The following PDE10A variants were observed in gnomAD, a reference collection of about 807,000 sequenced individuals.
The protein encoded by PDE10A is phosphodiesterase 10A.
A neutral mutation model predicts 97.7 loss-of-function variants in PDE10A; 39 were observed. That is an observed-to-expected ratio of 0.40 (90% CI 0.31 to 0.52). The LOEUF (loss-of-function observed/expected upper bound fraction) is 0.52, where lower values mean the gene tolerates loss of function less well. PDE10A is among the 20% of genes least tolerant of loss of function. The probability of loss-of-function intolerance (pLI) is 0.56; values close to 1 mark genes in which losing one functional copy is unlikely to be tolerated. For synonymous variants in PDE10A, 371 were observed against 376.8 expected (o/e 0.98, Z 0.18); for missense variants, 731 against 1,047.8 (o/e 0.70, Z 4.17).
At chr6:165,909,069 A>G (rs996839969) in intron 1 of PDE10A, 5 of 152,216 alleles carry the variant, frequency 3.3e-5, no homozygotes, top group African/African-American at 1.2e-4. Flanking sequence ...GCTTCTCTGT[A>G]GAAAGCTGTG....
At chr6:165,664,170 C>G (rs1171661509), upstream of PDE10A, among the ~76,000 whole-genome samples, 1 of 152,112 alleles carries the variant, frequency 6.6e-6, no homozygotes, top group Non-Finnish European at 1.5e-5. Flanking sequence ...GTCACCCAAG[C>G]GCCAGGCGTG....
At chr6:165,698,716 G>A (rs1051387928) in intron 1 of PDE10A, among the ~76,000 whole-genome samples, 39 of 151,972 alleles carry the variant, frequency 2.6e-4, no homozygotes, top group African/African-American at 8.7e-4. Flanking sequence ...CAGACGTGGC[G>A]GCATTTGCTT....
Position 165,334,468 on chromosome 6 carries a change from G to A in PDE10A, c.3066-1341C>T, listed in dbSNP as rs1208076592. Among the ~76,000 whole-genome samples the A allele has an allele frequency of 7.2e-5, 11 of 151,972 alleles. No individual in the cohort carries two copies. The South Asian group carries it at 1.7e-3, about 23-fold the overall frequency. On this transcript the variant is annotated intron_variant, in intron 21 of 21. Transcript: ENST00000539869. ...AGCGCCGGGCACACGCCTCCATAGC[G>A]CCCTACAGCACCGGGCATGCACAGT...
chr6:165,793,764 T>C (rs12111472), intron 1 of PDE10A, among the ~76,000 whole-genome samples: 16,545 of 152,214 alleles, frequency 0.11, 1,325 homozygotes, highest in African/African-American at 0.22. Context: ...TGTAGTTCTC[T>C]GATACTCAAA....
At chr6:165,380,362 A>T (rs1000167871) in intron 17 of PDE10A, among the ~76,000 whole-genome samples, 2 of 152,232 alleles carry the variant, frequency 1.3e-5, no homozygotes. Context: ...TCTTTAAAAA[A>T]TTAGACATCT....
At chr6:165,805,770 T>C (rs1012878237) in intron 1 of PDE10A, among the ~76,000 whole-genome samples, 1 of 151,996 alleles carries the variant, frequency 6.6e-6, no homozygotes, top group African/African-American at 2.4e-5. Context: ...CTTTCTATGA[T>C]TCATACCGAG....
intron 1 of PDE10A, among the ~76,000 whole-genome samples, chr6:165,601,627 G>A (rs1786956491): frequency 6.6e-6 from 1 of 152,136 alleles, no homozygotes; most frequent in East Asian, 1.9e-4. Context: ...ACAGCCCCCT[G>A]AAGTTTTCGT....
intron 1 of PDE10A, among the ~76,000 whole-genome samples, chr6:165,910,423 A>G (rs1395311460): frequency 6.6e-6 from 1 of 152,368 alleles, no homozygotes; most frequent in African/African-American, 2.4e-5. Context: ...ACAAATCTGC[A>G]AAGTACAGTG....
intron 1 of PDE10A, among the ~76,000 whole-genome samples, chr6:165,743,091 G>A (rs1007785694): frequency 4.6e-5 from 7 of 152,124 alleles, no homozygotes; most frequent in Admixed American, 1.3e-4. Flanking sequence ...GGCATTCGTC[G>A]CTAGTGGAAT....
chr6:165,784,501 C>A (rs1778443194), intron 1 of PDE10A, among the ~76,000 whole-genome samples: 1 of 152,204 alleles, frequency 6.6e-6, no homozygotes, highest in Admixed American at 6.5e-5. Flanking sequence ...ACAGACTACT[C>A]ATATTGTTTC....
At chr6:165,729,972 T>C (rs1440751218) in intron 1 of PDE10A, among the ~76,000 whole-genome samples, 4 of 152,184 alleles carry the variant, frequency 2.6e-5, no homozygotes, top group African/African-American at 9.7e-5. Context: ...TATATACATA[T>C]ATATCACCAA....
At chr6:165,353,749 G>A (rs1056807144) in intron 18 of PDE10A, among the ~76,000 whole-genome samples, 1 of 152,152 alleles carries the variant, frequency 6.6e-6, no homozygotes, top group Non-Finnish European at 1.5e-5. Flanking sequence ...TGAATAGGCT[G>A]AGCACAAGGG....
At chr6:165,511,688 T>C (rs913094140) in intron 2 of PDE10A, among the ~76,000 whole-genome samples, 1 of 152,040 alleles carries the variant, frequency 6.6e-6, no homozygotes, top group African/African-American at 2.4e-5. Context: ...TTTATGAATC[T>C]GGGTGCTCCA....
chr6:165,715,380 G>A (rs1188277939), intron 1 of PDE10A, among the ~76,000 whole-genome samples: 1 of 152,238 alleles, frequency 6.6e-6, no homozygotes, highest in Non-Finnish European at 1.5e-5. Context: ...CAACAGAAGT[G>A]GTGTGTGCGT....
chr6:165,633,199 C>T (rs997312447), intron 1 of PDE10A, among the ~76,000 whole-genome samples: 1 of 152,118 alleles, frequency 6.6e-6, no homozygotes, highest in Middle Eastern at 3.2e-3. Context: ...TGTAGACTGA[C>T]TTCTCTACAT....
At chr6:165,411,991 G>C (rs1483310648) in intron 13 of PDE10A, among the ~76,000 whole-genome samples, 4 of 151,762 alleles carry the variant, frequency 2.6e-5, no homozygotes, top group Non-Finnish European at 4.4e-5. Context: ...ATTAACTATT[G>C]CTGTTTTAAG....
intron 1 of PDE10A, chr6:165,949,007 C>T (rs557800614): frequency 4.6e-5 from 7 of 152,358 alleles, no homozygotes; most frequent in African/African-American, 1.7e-4. Flanking sequence ...TTGGAAGAAG[C>T]AGCAAACAGG....
At chr6:165,688,603 A>G (rs541036420) in intron 1 of PDE10A, among the ~76,000 whole-genome samples, 1 of 152,310 alleles carries the variant, frequency 6.6e-6, no homozygotes, top group South Asian at 2.1e-4. Context: ...AGTGGAATGG[A>G]CACGCATTGG....
intron 1 of PDE10A, among the ~76,000 whole-genome samples, chr6:165,917,210 G>T (rs1169432169): frequency 2.6e-5 from 4 of 152,114 alleles, no homozygotes; most frequent in African/African-American, 9.7e-5. Context: ...GAACCTCTTT[G>T]CATTTTAAAG....
Sources: allele counts gnomAD v4.1 joint callset (sites outside exome capture counted in the v4.1 genomes callset), GRCh38; gene constraint gnomAD v4.1.1; transcripts MANE v1.5; gene names NCBI Gene and HGNC (gene_info 2026-07-23, HGNC 2026-07-21).